The following KIF13A variants were observed in gnomAD, a reference collection of about 807,000 sequenced individuals.
KIF13A encodes kinesin-like protein KIF13A.
In KIF13A, 79 loss-of-function variants were observed where a neutral mutation model predicts 212.2. The observed-to-expected ratio is 0.37, with a 90% confidence interval of 0.31 to 0.45. The LOEUF (loss-of-function observed/expected upper bound fraction) is 0.45, where lower values mean the gene tolerates loss of function less well. Among genes scored for constraint, KIF13A ranks in the 20% least tolerant of loss-of-function variants. The pLI, the probability that KIF13A is intolerant of heterozygous loss-of-function variation, is 1.00. For synonymous variants in KIF13A, 789 were observed against 808.6 expected (o/e 0.98, Z 0.41); for missense variants, 1,901 against 2,209.0 (o/e 0.86, Z 2.79).
intron 2 of KIF13A, among the ~76,000 whole-genome samples, chr6:17,940,828 T>TA (rs1188408022): frequency 0.013 from 2,030 of 150,942 alleles, 52 homozygotes; most frequent in African/African-American, 0.047. Context: ...TTTTTTTTTT[T>TA]TTTTTTTTTT....
chr6:17,845,318 C>G (rs1327365158), intron 9 of KIF13A, among the ~76,000 whole-genome samples: 2 of 152,126 alleles, frequency 1.3e-5, no homozygotes, highest in African/African-American at 2.4e-5. Flanking sequence ...CATACCATAT[C>G]ACCAAGTCAC....
chr6:17,963,192 C>A lies in KIF13A; in HGVS notation c.146+23862G>T, dbSNP rs1463021586. Reference sequence around the variant, plus strand: ...CAGCACTTTGGGAGGCCGAGGTGGGCGGATCACCTGAGGTGGGGAGTTCAA... The same window carrying A: ...CAGCACTTTGGGAGGCCGAGGTGGGAGGATCACCTGAGGTGGGGAGTTCAA... On this transcript the variant is annotated intron_variant, in intron 2 of 38. Coordinates refer to ENST00000259711, the MANE Select transcript of KIF13A (RefSeq NM_022113.6). The surrounding 1 kb of genome is among the most constrained non-coding windows in gnomAD (Gnocchi z 4.1). Among the ~76,000 whole-genome samples the A allele has an allele frequency of 1.3e-5, 2 of 152,064 alleles. No homozygotes were observed. The highest frequency in any genetic ancestry group is 2.9e-5 in the Non-Finnish European group (2 of 68,006).
rs760486306 is a variant in KIF13A, at chr6:17,855,643, A to G, written c.314-26T>C. 6 of 1,574,796 alleles carry G rather than the reference A, an allele frequency of 3.8e-6. No individual in the cohort carries two copies. The African/African-American group carries it at 6.8e-5, about 18-fold the overall frequency. On this transcript the variant is annotated intron_variant, in intron 5 of 38. Coordinates refer to ENST00000259711, the MANE Select transcript of KIF13A (RefSeq NM_022113.6). The surrounding 1 kb of genome is among the most constrained non-coding windows in gnomAD (Gnocchi z 4.1). ...CTGGAGAACAGCAAGGAAAAAGAAG[A>G]ACAGGTAGAGGAGGGAGCAAAATGC...
At chr6:17,890,073 A>T (rs2150467832) in intron 3 of KIF13A, among the ~76,000 whole-genome samples, 1 of 151,940 alleles carries the variant, frequency 6.6e-6, no homozygotes, top group East Asian at 1.9e-4. Context: ...CAGTAATCCC[A>T]GCTACTCAGG....
rs773838339 is a variant in KIF13A, at chr6:17,947,430, CTAA to C, written c.146+39621_146+39623del. ...TTATTTTAGCAAAATTTGATAATAC[CTAA>C]TAATTAAGGCTAGCTACTTTTCCTT... On this transcript the variant is annotated intron_variant, in intron 2 of 38. Coordinates refer to ENST00000259711, the MANE Select transcript of KIF13A (RefSeq NM_022113.6). The surrounding 1 kb of genome is among the most constrained non-coding windows in gnomAD (Gnocchi z 4.6). Among the ~76,000 whole-genome samples, 93 of 152,082 alleles carry C rather than the reference CTAA, an allele frequency of 6.1e-4. No individual in the cohort carries two copies. Among genetic ancestry groups the C allele is most frequent in the Non-Finnish European group, 1.2e-3 (82 of 67,980 alleles).
At chr6:17,814,946 C>T (rs1343111850) in intron 17 of KIF13A, among the ~76,000 whole-genome samples, 1 of 152,158 alleles carries the variant, frequency 6.6e-6, no homozygotes, top group Non-Finnish European at 1.5e-5. Flanking sequence ...GACAGCTGGG[C>T]CCGGGGGACC....
chr6:17,940,413 G>C (rs985502120), intron 2 of KIF13A, among the ~76,000 whole-genome samples: 1 of 152,174 alleles, frequency 6.6e-6, no homozygotes, highest in African/African-American at 2.4e-5. Flanking sequence ...TTAAGTTATG[G>C]AGAAAGCATT....
chr6:17,795,578 C>T (rs2150325504), intron 23 of KIF13A, among the ~76,000 whole-genome samples: 1 of 142,144 alleles, frequency 7.0e-6, no homozygotes, highest in African/African-American at 2.6e-5. Flanking sequence ...GCCTGGGAGA[C>T]AGAGCAAGAC....
At chr6:17,860,271 C>A (rs1351292394) in intron 4 of KIF13A, among the ~76,000 whole-genome samples, 1 of 152,120 alleles carries the variant, frequency 6.6e-6, no homozygotes. Context: ...TCACTGCAAC[C>A]TCTGCCATCT....
chr6:17,923,169 G>C (rs1209757489), intron 2 of KIF13A, among the ~76,000 whole-genome samples: 2 of 151,930 alleles, frequency 1.3e-5, no homozygotes, highest in African/African-American at 2.4e-5. Context: ...AGTTACTCAG[G>C]AGGCTGAGGC....
In KIF13A at chr6:17,892,968, T is replaced by C. The variant is rs1772197728; in HGVS notation, c.159+5200A>G. Among the ~76,000 whole-genome samples, 1 of 152,196 alleles carries C rather than the reference T, an allele frequency of 6.6e-6. No homozygotes were observed. The highest frequency in any genetic ancestry group is 1.5e-5 in the Non-Finnish European group (1 of 68,038). On this transcript the variant is annotated intron_variant, in intron 3 of 38. Transcript: ENST00000259711. This position sits in a 1 kb window ranked among gnomAD's most constrained non-coding sequence, Gnocchi z 4.7. ...ACGGGAACTCTTGATTTATAGCCGGTAGGTCAGAAGTATAGGTGGCAACCT... is the reference window on the plus strand; with the variant it reads ...ACGGGAACTCTTGATTTATAGCCGGCAGGTCAGAAGTATAGGTGGCAACCT...
chr6:17,833,286 G>A (rs913761437), intron 12 of KIF13A, among the ~76,000 whole-genome samples: 1 of 151,858 alleles, frequency 6.6e-6, no homozygotes, highest in African/African-American at 2.4e-5. Context: ...CTTGAGCTCA[G>A]AGTTTGAGAC....
intron 4 of KIF13A, among the ~76,000 whole-genome samples, chr6:17,857,824 G>GGA (rs1263556798): frequency 6.6e-6 from 1 of 152,108 alleles, no homozygotes; most frequent in Non-Finnish European, 1.5e-5. Flanking sequence ...TTCCCAAAAA[G>GGA]GACCCTGTGA....
At position 17,787,708 on chromosome 6, in the gene KIF13A, A is replaced by G; in HGVS notation, c.3361+68T>C. ...ATACTACTGTCCAGTTAGGGGAAGA[A>G]AACGACCTACTGCCATTGTGTAAAA... On this transcript the variant is annotated intron_variant, in intron 27 of 38. Coordinates refer to ENST00000259711, the MANE Select transcript of KIF13A (RefSeq NM_022113.6). The surrounding 1 kb of genome is among the most constrained non-coding windows in gnomAD (Gnocchi z 4.6). 7 of 908,520 alleles carry G rather than the reference A, an allele frequency of 7.7e-6. No individual in the cohort carries two copies. The highest frequency in any genetic ancestry group is 1.3e-5 in the Non-Finnish European group (7 of 544,314). 56.3% of individuals were successfully genotyped at this position (908,520 alleles called of 1,614,324 possible).
Position 17,895,177 on chromosome 6 carries a change from T to G in KIF13A, c.159+2991A>C, listed in dbSNP as rs1772449922. Among the ~76,000 whole-genome samples, 5 of 152,352 alleles carry G rather than the reference T, an allele frequency of 3.3e-5. No individual in the cohort carries two copies. The South Asian group carries it at 1.0e-3, about 32-fold the overall frequency. On this transcript the variant is annotated intron_variant, in intron 3 of 38. Coordinates refer to ENST00000259711, the MANE Select transcript of KIF13A (RefSeq NM_022113.6). The surrounding 1 kb of genome is among the most constrained non-coding windows in gnomAD (Gnocchi z 4.4). Reference sequence around the variant, plus strand: ...TAGTTCTCTCCAACATTTTTCAATCTTATGTTTTATGTCTTTGAAGATAAC... The same window carrying G: ...TAGTTCTCTCCAACATTTTTCAATCGTATGTTTTATGTCTTTGAAGATAAC...
At chr6:17,977,715 ATTATACT>A (rs1780705290) in intron 2 of KIF13A, among the ~76,000 whole-genome samples, 2 of 152,216 alleles carry the variant, frequency 1.3e-5, no homozygotes, top group African/African-American at 2.4e-5. Flanking sequence ...ATTTTTTTAA[ATTATACT>A]TTAAGTTCTA....
rs1372526453 is a variant in KIF13A at position 17,899,668 on chromosome 6, T to C, written c.147-1488A>G. On this transcript the variant is annotated intron_variant, in intron 2 of 38. Coordinates refer to ENST00000259711, the MANE Select transcript of KIF13A (RefSeq NM_022113.6). The surrounding 1 kb of genome is among the most constrained non-coding windows in gnomAD (Gnocchi z 5.2). ...AAGGGAATGAGCCCTTATTGCCTTA[T>C]GTCATTCCCTCAGACAGACACAATG... 6.6e-6 allele frequency among the ~76,000 whole-genome samples: 1 copy of C among 152,232 alleles called. No individual in the cohort carries two copies. Among genetic ancestry groups the C allele is most frequent in the Non-Finnish European group, 1.5e-5 (1 of 68,040 alleles).
intron 16 of KIF13A, among the ~76,000 whole-genome samples, chr6:17,823,039 T>C (rs1443034779): frequency 2.7e-5 from 1 of 36,364 alleles, no homozygotes; most frequent in Admixed American, 3.1e-4. Context: ...GTTCTATACT[T>C]TTTTTTTTTT....
At chr6:17,977,548 G>T (rs1218365230) in intron 2 of KIF13A, among the ~76,000 whole-genome samples, 1 of 152,200 alleles carries the variant, frequency 6.6e-6, no homozygotes, top group Admixed American at 6.5e-5. Context: ...AATTATAAAT[G>T]TGAAAACTAT....
Sources: allele counts gnomAD v4.1 joint callset (sites outside exome capture counted in the v4.1 genomes callset), GRCh38; gene constraint gnomAD v4.1.1; non-coding constraint Gnocchi (gnomAD v3.1); transcripts MANE v1.5; gene names NCBI Gene and HGNC (gene_info 2026-07-23, HGNC 2026-07-21).